Variants in TBC1D14 observed in about 807,000 individuals in gnomAD.
The protein encoded by TBC1D14 is TBC1 domain family, member 14.
TBC1D14 carries 26 observed loss-of-function variants against 79.0 expected under a neutral mutation model. The observed-to-expected ratio is 0.33, with a 90% CI of 0.24 to 0.46. TBC1D14 has a LOEUF of 0.46. TBC1D14 is among the 20% of genes least tolerant of loss of function. The pLI is 1.00. For synonymous variants in TBC1D14, 394 were observed against 349.9 expected, an observed-to-expected ratio of 1.13 and a Z score of -1.40; for missense variants, 769 against 887.6, an observed-to-expected ratio of 0.87 and a Z score of 1.70.
intron 2 of TBC1D14, among the ~76,000 whole-genome samples, chr4:6,942,404 A>G (rs1712999044): frequency 6.6e-6 from 1 of 152,220 alleles, no homozygotes; most frequent in African/African-American, 2.4e-5. Context: ...GTTTATCTCA[A>G]GAATCCTGTA....
intron 2 of TBC1D14, among the ~76,000 whole-genome samples, chr4:6,927,246 A>G (rs1048405487): frequency 6.6e-6 from 1 of 152,126 alleles, no homozygotes. Flanking sequence ...GCAGACAGAT[A>G]AGGCATTTCA....
chr4:6,977,623 T>C (rs1300102347), intron 3 of TBC1D14, among the ~76,000 whole-genome samples: 1 of 146,428 alleles, frequency 6.8e-6, no homozygotes, highest in African/African-American at 2.6e-5. Flanking sequence ...GGCTACCCAG[T>C]CTGGAAAGTG....
chr4:7,024,677 G>A (rs1352325045), intron 12 of TBC1D14, among the ~76,000 whole-genome samples: 3 of 152,200 alleles, frequency 2.0e-5, no homozygotes, highest in Non-Finnish European at 2.9e-5. Context: ...TGGGTGGCGC[G>A]GCGTACAGCG....
At chr4:7,010,123 T>C (rs1720603967) in intron 10 of TBC1D14, among the ~76,000 whole-genome samples, 175 bp downstream of exon 10, 1 of 152,216 alleles carries the variant, frequency 6.6e-6, no homozygotes, top group Non-Finnish European at 1.5e-5. Context: ...TTAAAGAAAT[T>C]GAGCTGTCGT....
intron 8 of TBC1D14, among the ~76,000 whole-genome samples, chr4:7,006,270 GAT>G (rs1287012437): frequency 1.4e-5 from 2 of 146,826 alleles, no homozygotes; most frequent in Non-Finnish European, 3.0e-5. Context: ...ATCGAGCAGT[GAT>G]ATATGTGTGT....
At chr4:7,020,711 CTTT>C (rs1440241222) in intron 12 of TBC1D14, among the ~76,000 whole-genome samples, 1 of 152,072 alleles carries the variant, frequency 6.6e-6, no homozygotes, top group African/African-American at 2.4e-5. Context: ...GTTTTGTTTT[CTTT>C]TCTTTTTGAG....
chr4:6,959,140 C>A (rs1334234723), intron 2 of TBC1D14, among the ~76,000 whole-genome samples: 1 of 152,158 alleles, frequency 6.6e-6, no homozygotes, highest in Non-Finnish European at 1.5e-5. Context: ...CCGCCTCGGC[C>A]TCCCAAAGTG....
rs144450252 is a variant in TBC1D14, at chr4:7,018,593, G to A, written c.1757+4036G>A. Among the ~76,000 whole-genome samples the A allele has an allele frequency of 1.1e-3, 161 of 152,290 alleles. 1 individual carries two copies. Among genetic ancestry groups the A allele is most frequent in the African/African-American group, 3.7e-3 (155 of 41,564 alleles). Reference sequence around the variant, plus strand: ...CTGTGCCTGAGGGTCACCTTCCTCGGTCCCTTTTCCAGTGCACCCTGTACG... The same window carrying A: ...CTGTGCCTGAGGGTCACCTTCCTCGATCCCTTTTCCAGTGCACCCTGTACG... On this transcript the variant is annotated intron_variant, in intron 12 of 13. Coordinates refer to ENST00000409757, the MANE Select transcript of TBC1D14 (RefSeq NM_020773.3).
Position 6,915,779 on chromosome 4 carries a change from C to T in TBC1D14, c.-18+5828C>T, listed in dbSNP as rs16839456. On this transcript the variant is annotated intron_variant, in intron 1 of 13. Transcript: ENST00000409757. The stretch of plus-strand genomic sequence containing the variant: ...GCTCTGGGATCTGTATACCCTCAGG[C>T]CATCGTGGAGTAGGAATGAGCTGTG... 6.2e-3 allele frequency among the ~76,000 whole-genome samples: 950 copies of T among 152,080 alleles called. 22 individuals are homozygous for T. The East Asian group carries it at 0.074, about 12-fold the overall frequency.
chr4:7,013,451 T>C (rs6818744), intron 11 of TBC1D14, among the ~76,000 whole-genome samples: 135,343 of 152,344 alleles, frequency 0.89, 60,377 homozygotes, highest in East Asian at 0.98. Flanking sequence ...ACTGGGCCAC[T>C]ATCAGACGGG....
At chr4:6,977,402 C>T (rs1430248538) in intron 3 of TBC1D14, among the ~76,000 whole-genome samples, 5 of 142,920 alleles carry the variant, frequency 3.5e-5, no homozygotes, top group South Asian at 2.5e-4. Flanking sequence ...GGATGGCAGA[C>T]GGAGTCGCGT....
At chr4:7,028,295 A>G (rs1722675293) in intron 13 of TBC1D14, among the ~76,000 whole-genome samples, 1 of 152,220 alleles carries the variant, frequency 6.6e-6, no homozygotes, top group Non-Finnish European at 1.5e-5. Context: ...TTTAGGGACT[A>G]GGTAAAAACT....
intron 13 of TBC1D14, among the ~76,000 whole-genome samples, chr4:7,025,986 C>T (rs1035979917): frequency 6.6e-6 from 1 of 152,154 alleles, no homozygotes; most frequent in African/African-American, 2.4e-5. Context: ...TGTTGATTGA[C>T]GTCTATGAAG....
At chr4:6,917,163 G>A (rs1461291783) in intron 1 of TBC1D14, among the ~76,000 whole-genome samples, 2 of 152,186 alleles carry the variant, frequency 1.3e-5, no homozygotes, top group African/African-American at 2.4e-5. Context: ...ACATAATCCA[G>A]CTCTCAGCAG....
At chr4:7,012,994 T>C (rs1313644722) in intron 11 of TBC1D14, among the ~76,000 whole-genome samples, 1 of 152,242 alleles carries the variant, frequency 6.6e-6, no homozygotes, top group Non-Finnish European at 1.5e-5. Context: ...TATAAATAAA[T>C]ACATGATTCC....
At chr4:7,022,592 G>A (rs1338666023) in intron 12 of TBC1D14, among the ~76,000 whole-genome samples, 3 of 152,212 alleles carry the variant, frequency 2.0e-5, no homozygotes, top group Non-Finnish European at 2.9e-5. Context: ...CCCAGAGGCC[G>A]CAGTGAGTAG....
chr4:7,004,349 C>T (rs531845654), intron 7 of TBC1D14, among the ~76,000 whole-genome samples: 3 of 152,380 alleles, frequency 2.0e-5, no homozygotes, highest in Admixed American at 6.5e-5. Context: ...GGCAGCAAGA[C>T]GAGGCCTGTG....
intron 2 of TBC1D14, among the ~76,000 whole-genome samples, chr4:6,941,751 A>G (rs1027856714): frequency 1.3e-5 from 2 of 152,196 alleles, no homozygotes; most frequent in Non-Finnish European, 2.9e-5. Flanking sequence ...GGATGGGGTA[A>G]AAGGAGAATG....
chr4:6,929,861 C>G (rs1007427443), intron 2 of TBC1D14, among the ~76,000 whole-genome samples: 1 of 152,232 alleles, frequency 6.6e-6, no homozygotes, highest in African/African-American at 2.4e-5. Flanking sequence ...CCAGGCACTT[C>G]TGTCGCTTTC....
Sources: allele counts gnomAD v4.1 joint callset (sites outside exome capture counted in the v4.1 genomes callset), GRCh38; gene constraint gnomAD v4.1.1; transcripts MANE v1.5; gene names NCBI Gene and HGNC (gene_info 2026-07-23, HGNC 2026-07-21).